The following DNAH11 variants were observed in gnomAD, a reference collection of about 807,000 sequenced individuals.
DNAH11 encodes the protein axonemal beta dynein heavy chain 11.
In DNAH11, 442 loss-of-function variants were observed where a neutral mutation model predicts 526.0. The observed-to-expected ratio is 0.84, with a 90% CI of 0.78 to 0.91. The LOEUF is 0.91. Among genes scored for constraint, DNAH11 ranks in the 40% least tolerant of loss-of-function variants. The pLI, the probability that DNAH11 is intolerant of heterozygous loss-of-function variation, is 0.00. For synonymous variants in DNAH11, 2,461 were observed against 1,935.9 expected (o/e 1.27, Z -7.12); for missense variants, 6,989 against 5,448.7 (o/e 1.28, Z -8.90).
At chr7:21,766,663 G>C (rs1787198838) in intron 55 of DNAH11, among the ~76,000 whole-genome samples, 1 of 151,058 alleles carries the variant, frequency 6.6e-6, no homozygotes, top group Admixed American at 6.6e-5. Flanking sequence ...TTAATTGTTT[G>C]TATGCAGCTA....
At chr7:21,702,893 G>A in intron 37 of DNAH11, 91 bp downstream of exon 37, 1 of 1,120,248 alleles carries the variant, frequency 8.9e-7, no homozygotes, top group South Asian at 1.5e-5. Context: ...GGCATGGACA[G>A]CACAACTTTT....
intron 57 of DNAH11, among the ~76,000 whole-genome samples, chr7:21,783,795 G>A (rs894872196): frequency 6.6e-5 from 10 of 152,164 alleles, no homozygotes; most frequent in Non-Finnish European, 1.3e-4. Flanking sequence ...GGGTATCAGT[G>A]TTATTGTTCC....
In DNAH11 at chr7:21,704,550, G is replaced by A. The variant is rs1334594771; in HGVS notation, c.6390G>A (p.Arg2130=). 3 of 1,613,874 alleles carry A rather than the reference G, an allele frequency of 1.9e-6. No homozygotes were observed. The highest frequency in any genetic ancestry group is 2.2e-5 in the South Asian group (2 of 91,070). Residue 2130 remains arginine (R), a synonymous_variant, in exon 38 of 82, where the codon AGG becomes AGA. Coordinates refer to ENST00000409508, the MANE Select transcript of DNAH11 (RefSeq NM_001277115.2). ...LFPALDVPRR[R]KLHFEQMVRQ... ...CAGCCCTGGATGTGCCCCGGAGGAGGAAGCTGCACTTTGAACAGATGGTCA... is the reference window on the plus strand; with the variant it reads ...CAGCCCTGGATGTGCCCCGGAGGAGAAAGCTGCACTTTGAACAGATGGTCA...
At chr7:21,708,704 T>G (rs1434969817) in intron 40 of DNAH11, among the ~76,000 whole-genome samples, 2 of 152,206 alleles carry the variant, frequency 1.3e-5, no homozygotes, top group Non-Finnish European at 2.9e-5. Flanking sequence ...GCCTCTTTGC[T>G]ATTCCTTGAA....
chr7:21,778,979 C>A lies in DNAH11; in HGVS notation c.9358C>A (p.Leu3120Ile). ...TTAGGTGGGAGATCTAAAAGCCAGACTTGCCTCTCAAGAAGCCGAGCTGCA... is the reference window on the plus strand; with the variant it reads ...TTAGGTGGGAGATCTAAAAGCCAGAATTGCCTCTCAAGAAGCCGAGCTGCA... ...ASQVGDLKAR[L>I]ASQEAELQLR... is the part of the protein sequence containing the mutation. Residue 3120 changes from leucine to isoleucine, a missense_variant, in exon 57 of 82, where the codon CTT becomes ATT. Leu to Ile is a conservative substitution (Grantham distance 5, BLOSUM62 2). Transcript: ENST00000409508. 5.6e-6 allele frequency: 9 copies of A among 1,613,200 alleles called. No homozygotes were observed. The highest frequency in any genetic ancestry group is 1.7e-5 in the Admixed American group (1 of 59,934).
intron 30 of DNAH11, among the ~76,000 whole-genome samples, chr7:21,671,052 T>G (rs1311149126): frequency 6.6e-6 from 1 of 152,248 alleles, no homozygotes; most frequent in African/African-American, 2.4e-5. Flanking sequence ...GATCCATTTA[T>G]ATCTATTTTG....
At chr7:21,900,857 C>T in intron 81 of DNAH11, 150 bp from the exon 82 acceptor site, 1 of 1,314,812 alleles carries the variant, frequency 7.6e-7, no homozygotes, top group Non-Finnish European at 1.0e-6. Flanking sequence ...TTTCAAAGCT[C>T]AGTCCGGCCA....
At chr7:21,822,082 C>T (rs182800553) in intron 65 of DNAH11, among the ~76,000 whole-genome samples, 89 of 152,202 alleles carry the variant, frequency 5.8e-4, no homozygotes, top group African/African-American at 2.0e-3. Context: ...TGTATATATA[C>T]CACAATTTCT....
chr7:21,654,777 G>A (rs1397431801), intron 28 of DNAH11, among the ~76,000 whole-genome samples: 3 of 152,174 alleles, frequency 2.0e-5, no homozygotes, highest in Non-Finnish European at 1.5e-5. Flanking sequence ...CCTCAAGAGA[G>A]ATGATAGAGT....
rs75258608 is a variant in DNAH11, at chr7:21,828,288, T to A, written c.10691+9949T>A. Reference sequence around the variant, plus strand: ...TAAATAAACTCTAGAGTTATGTAGTTCTCTCATTATTTCCTTTGCTGGTAA... The same window carrying A: ...TAAATAAACTCTAGAGTTATGTAGTACTCTCATTATTTCCTTTGCTGGTAA... On this transcript the variant is annotated intron_variant, in intron 65 of 81. Transcript: ENST00000409508. Among the ~76,000 whole-genome samples, 1,397 of 152,254 alleles carry A rather than the reference T, an allele frequency of 9.2e-3. 16 individuals are homozygous for A. The highest frequency in any genetic ancestry group is 0.034 in the South Asian group (162 of 4,826).
chr7:21,652,899 G>A (rs542349293), intron 28 of DNAH11, among the ~76,000 whole-genome samples: 1 of 152,138 alleles, frequency 6.6e-6, no homozygotes, highest in East Asian at 1.9e-4. Flanking sequence ...TATTTGAGAT[G>A]GAGTTTTGCT....
In DNAH11 at chr7:21,681,606, C is replaced by G. The variant is rs1246866934; in HGVS notation, c.5389C>G (p.Gln1797Glu). 6.2e-7 allele frequency: 1 copy of G among 1,613,750 alleles called. No homozygotes were observed. ...LLGELPPGDRQKIMTICTIDV... is the reference protein window; with the variant it reads ...LLGELPPGDREKIMTICTIDV... Reference sequence around the variant, plus strand: ...GGGAGAACTTCCACCTGGAGACAGACAGAAGATCATGACAATTTGTACCAT... The same window carrying G: ...GGGAGAACTTCCACCTGGAGACAGAGAGAAGATCATGACAATTTGTACCAT... Residue 1797 changes from glutamine (Q) to glutamate (E), a missense_variant, in exon 31 of 82, where the codon CAG (glutamine) becomes GAG (glutamate). Physicochemically the swap from Gln to Glu is conservative, Grantham distance 29. Transcript: ENST00000409508.
chr7:21,592,270 C>T (rs1784715593), intron 14 of DNAH11, among the ~76,000 whole-genome samples: 2 of 152,110 alleles, frequency 1.3e-5, no homozygotes, highest in Admixed American at 6.6e-5. Context: ...GATAGGGAGT[C>T]GCTTGCGGGT....
intron 46 of DNAH11, among the ~76,000 whole-genome samples, chr7:21,736,551 G>A (rs1785621040): frequency 6.6e-6 from 1 of 152,146 alleles, no homozygotes; most frequent in Admixed American, 6.5e-5. Context: ...GTTTACATGT[G>A]GATATATGTT....
chr7:21,730,450 G>C (rs1785329697), intron 45 of DNAH11, among the ~76,000 whole-genome samples: 1 of 152,168 alleles, frequency 6.6e-6, no homozygotes, highest in Non-Finnish European at 1.5e-5. Flanking sequence ...CCCAGAAATT[G>C]AAATCCAAAA....
In DNAH11 at chr7:21,711,863, G is replaced by C. The variant is rs1784476796; in HGVS notation, c.6983+3G>C. 1 of 1,605,596 alleles carries C rather than the reference G, an allele frequency of 6.2e-7. No individual in the cohort carries two copies. ...CCACAAGATCTGGGCTGGAATCCGT[G>C]AGTATTTCTTTTTGTTTTATTGTAG... On this transcript the variant is annotated splice_donor_region_variant and intron_variant, in intron 42 of 81. Coordinates refer to ENST00000409508, the MANE Select transcript of DNAH11 (RefSeq NM_001277115.2).
Position 21,899,495 on chromosome 7 carries a change from C to T in DNAH11, c.13162+47C>T, listed in dbSNP as rs751514094. On this transcript the variant is annotated intron_variant, in intron 80 of 81. Coordinates refer to ENST00000409508, the MANE Select transcript of DNAH11 (RefSeq NM_001277115.2). ...CCCCTGATGCACACAGGACCACAGCCTAACCAGAAGCCCTGCTTTGTTTAC... is the reference window on the plus strand; with the variant it reads ...CCCCTGATGCACACAGGACCACAGCTTAACCAGAAGCCCTGCTTTGTTTAC... 4 of 1,440,982 alleles carry T rather than the reference C, an allele frequency of 2.8e-6. No individual in the cohort carries two copies. In the Admixed American group the frequency reaches 7.5e-5, roughly 27 times the overall value. The allele number at this position is 1,440,982 out of a possible 1,614,324, so 89.3% of individuals were successfully genotyped here.
At chr7:21,757,052 G>A (rs1373889964) in intron 54 of DNAH11, among the ~76,000 whole-genome samples, 2 of 152,180 alleles carry the variant, frequency 1.3e-5, no homozygotes, top group East Asian at 1.9e-4. Context: ...TGGATGGAGG[G>A]AAGGAGGAAT....
At chr7:21,826,614 T>C (rs1334754765) in intron 65 of DNAH11, among the ~76,000 whole-genome samples, 3 of 152,110 alleles carry the variant, frequency 2.0e-5, no homozygotes. Flanking sequence ...TTTTTTCCTA[T>C]GTGACTATCT....
Sources: allele counts gnomAD v4.1 joint callset (sites outside exome capture counted in the v4.1 genomes callset), GRCh38; gene constraint gnomAD v4.1.1; transcripts MANE v1.5; gene names NCBI Gene and HGNC (gene_info 2026-07-23, HGNC 2026-07-21).